The following COL9A2 variants were observed in gnomAD, a reference collection of about 807,000 sequenced individuals.
COL9A2 encodes the protein collagen alpha-2(IX) chain.
Under a neutral mutation model 111.6 loss-of-function variants are expected in COL9A2, and 66 were observed. The ratio of observed to expected loss-of-function variants is 0.59; its 90% CI spans 0.48 to 0.73. COL9A2 has a LOEUF of 0.73. COL9A2 is among the 30% of genes least tolerant of loss of function. The pLI is 0.00. For synonymous variants in COL9A2, 353 were observed against 364.1 expected, an observed-to-expected ratio of 0.97 and a Z score of 0.35; for missense variants, 881 against 954.1, an observed-to-expected ratio of 0.92 and a Z score of 1.01.
At chr1:40,306,811 T>C (rs1223818853) in intron 19 of COL9A2, among the ~76,000 whole-genome samples, 3 of 151,928 alleles carry the variant, frequency 2.0e-5, no homozygotes, top group Admixed American at 2.0e-4. Flanking sequence ...ATTGTTTACC[T>C]GCCACTTAGT....
chr1:40,316,984 G>T lies in COL9A2; in HGVS notation c.75+139C>A. 1 of 828,224 alleles carries T rather than the reference G, an allele frequency of 1.2e-6. No individual in the cohort carries two copies. The highest frequency in any genetic ancestry group is 2.0e-6 in the Non-Finnish European group (1 of 490,544). The allele number at this position is 828,224 out of a possible 1,614,324, so 51.3% of individuals were successfully genotyped here. Reference sequence around the variant, plus strand: ...GCACCATGTATGCACCCACCGAGGGGACCTGCCCGCGGCGCTGTCCTCAGG... The same window carrying T: ...GCACCATGTATGCACCCACCGAGGGTACCTGCCCGCGGCGCTGTCCTCAGG... On this transcript the variant is annotated intron_variant, in intron 1 of 31. Coordinates refer to ENST00000372748, the MANE Select transcript of COL9A2 (RefSeq NM_001852.4). This position sits in a 1 kb window ranked among gnomAD's most constrained non-coding sequence, Gnocchi z 5.5.
In COL9A2 at chr1:40,303,574, C is replaced by T. The variant is rs1462099143; in HGVS notation, c.1504G>A (p.Gly502Arg). Residue 502 changes from glycine (G) to arginine (R), a missense_variant, in exon 28 of 32, where the codon GGG becomes AGG. Gly to Arg is a moderately radical substitution (Grantham distance 125, BLOSUM62 -2). Transcript: ENST00000372748. This position sits in a 1 kb window ranked among gnomAD's most constrained non-coding sequence, Gnocchi z 4.6. The stretch of plus-strand genomic sequence containing the variant: ...GGCTGTCCTGGCACGCCTCGGTTCC[C>T]GGCCAGTCCTCGAGGGCCGGGGGGA... ...PGPPGPRGLA[G>R]NRGVPGQPGR... 1.2e-6 allele frequency: 2 copies of T among 1,610,942 alleles called. No individual in the cohort carries two copies. Among genetic ancestry groups the T allele is most frequent in the Non-Finnish European group, 1.7e-6 (2 of 1,179,174 alleles).
intron 21 of COL9A2, 42 bp from the exon 22 acceptor site, chr1:40,304,889 G>A (rs975293036): frequency 6.5e-7 from 1 of 1,530,662 alleles, no homozygotes; most frequent in Non-Finnish European, 8.8e-7. Flanking sequence ...TGACCTGGTG[G>A]AACCCACCCT....
chr1:40,315,450 T>G, intron 2 of COL9A2, 140 bp downstream of exon 2: 1 of 1,454,322 alleles, frequency 6.9e-7, no homozygotes, highest in South Asian at 1.5e-5. Context: ...GTCCTTGTGG[T>G]GCGGGCCGGC....
chr1:40,304,065 A>G lies in COL9A2; in HGVS notation c.1322T>C (p.Val441Ala), dbSNP rs1164523172. The G allele has an allele frequency of 1.3e-6, 2 of 1,578,308 alleles. No homozygotes were observed. Among genetic ancestry groups the G allele is most frequent in the East Asian group, 2.3e-5 (1 of 43,472 alleles). Residue 441 changes from valine (V) to alanine (A), a missense_variant and splice_region_variant, in exon 25 of 32, where the codon GTG becomes GCG. Physicochemically the swap from Val to Ala is moderately conservative, Grantham distance 64 (BLOSUM62 0). Transcript: ENST00000372748. ...GGGAACAGGGGTGCTGGAACTCACCACTTTGCCGCGGGGCCCGGTCTTCCC... is the reference window on the plus strand; with the variant it reads ...GGGAACAGGGGTGCTGGAACTCACCGCTTTGCCGCGGGGCCCGGTCTTCCC... ...SPGKTGPRGK[V>A]GDPGVAGLPG... is the part of the protein sequence containing the mutation.
chr1:40,310,243 A>T lies in COL9A2; in HGVS notation c.738+21T>A, dbSNP rs747550133. Reference sequence around the variant, plus strand: ...AGGCAGCTCCTGGAAGCTCTTGTAGAACACCCCAAGATTCACTTACCGTCT... The same window carrying T: ...AGGCAGCTCCTGGAAGCTCTTGTAGTACACCCCAAGATTCACTTACCGTCT... On this transcript the variant is annotated intron_variant, in intron 14 of 31. Coordinates refer to ENST00000372748, the MANE Select transcript of COL9A2 (RefSeq NM_001852.4). The surrounding 1 kb of genome is among the most constrained non-coding windows in gnomAD (Gnocchi z 4.9). 1.9e-6 allele frequency: 3 copies of T among 1,614,048 alleles called. No individual in the cohort carries two copies. The highest frequency in any genetic ancestry group is 2.5e-6 in the Non-Finnish European group (3 of 1,179,936).
At position 40,302,988 on chromosome 1, in the gene COL9A2, C is replaced by A; in HGVS notation, c.1603+143G>T. 1 of 1,097,566 alleles carries A rather than the reference C, an allele frequency of 9.1e-7. No individual in the cohort carries two copies. The highest frequency in any genetic ancestry group is 1.3e-6 in the Non-Finnish European group (1 of 744,726). The allele number at this position is 1,097,566 out of a possible 1,614,324, so 68.0% of individuals were successfully genotyped here. On this transcript the variant is annotated intron_variant, in intron 29 of 31. Transcript: ENST00000372748. This position sits in a 1 kb window ranked among gnomAD's most constrained non-coding sequence, Gnocchi z 4.5. ...AGGCCCAGAGTGACTTATTCAAGGT[C>A]CCAAAACCCTTCAGAGACTGGACTG... is the stretch of plus-strand genomic sequence containing the variant.
rs1365606717 is a variant in COL9A2, at chr1:40,303,865, C to A, written c.1369-26G>T. On this transcript the variant is annotated intron_variant, in intron 26 of 31. Coordinates refer to ENST00000372748, the MANE Select transcript of COL9A2 (RefSeq NM_001852.4). This position sits in a 1 kb window ranked among gnomAD's most constrained non-coding sequence, Gnocchi z 4.6. ...CTGCAGGCACAAGGAGCAGCGGTCACGAAGCCGCGGGGACCCCGGGGCCAG... is the reference window on the plus strand; with the variant it reads ...CTGCAGGCACAAGGAGCAGCGGTCAAGAAGCCGCGGGGACCCCGGGGCCAG... 1 of 1,549,808 alleles carries A rather than the reference C, an allele frequency of 6.5e-7. No individual in the cohort carries two copies. Among genetic ancestry groups the A allele is most frequent in the Non-Finnish European group, 8.7e-7 (1 of 1,147,346 alleles).
At position 40,310,286 on chromosome 1, in the gene COL9A2, A is replaced by T; in HGVS notation, c.716T>A (p.Met239Lys). 1 of 1,614,156 alleles carries T rather than the reference A, an allele frequency of 6.2e-7. No homozygotes were observed. Among genetic ancestry groups the T allele is most frequent in the Non-Finnish European group, 8.5e-7 (1 of 1,180,022 alleles). Residue 239 changes from methionine (M) to lysine (K), a missense_variant, in exon 14 of 32, where the codon ATG (methionine) becomes AAG (lysine). Physicochemically the swap from Met to Lys is moderately conservative, Grantham distance 95. Transcript: ENST00000372748. The surrounding 1 kb of genome is among the most constrained non-coding windows in gnomAD (Gnocchi z 4.9). ...GPQGIRGYPGMAGPKGETGPH... is the reference protein window; with the variant it reads ...GPQGIRGYPGKAGPKGETGPH... ...TACCGTCTCTCCCTTGGGCCCTGCC[A>T]TGCCTGGGTAGCCCCTGATGCCCTG...
At position 40,301,098 on chromosome 1, in the gene COL9A2, G is replaced by A; in HGVS notation, c.*84C>T. 7.0e-7 allele frequency: 1 copy of A among 1,429,018 alleles called. No homozygotes were observed. The allele number at this position is 1,429,018 out of a possible 1,614,324, so 88.5% of individuals were successfully genotyped here. A position where few individuals can be genotyped will look rare whatever the true frequency, so the allele number is the denominator to read the frequency against. On this transcript the variant is annotated 3_prime_UTR_variant, in exon 32 of 32. Coordinates refer to ENST00000372748, the MANE Select transcript of COL9A2 (RefSeq NM_001852.4). ...AGGTCCTGGGGGAGATGGTTTCCTG[G>A]ACTGGGGATGGGTGCATGTCCACCC...
chr1:40,304,127 GGCGA>G, intron 24 of COL9A2, 28 bp from the exon 25 acceptor site: 1 of 1,538,222 alleles, frequency 6.5e-7, no homozygotes, highest in Non-Finnish European at 8.7e-7. Context: ...TGAGGGGTTT[GGCGA>G]GCTCCCCCCT....
intron 24 of COL9A2, 89 bp from the exon 25 acceptor site, chr1:40,304,188 TCCGCCTCGCCG>T: frequency 6.6e-7 from 1 of 1,514,358 alleles, no homozygotes; most frequent in Non-Finnish European, 8.9e-7. Flanking sequence ...TCTTTCCAAC[TCCGCCTCGCCG>T]ACCAGACCAG....
At chr1:40,306,061 C>T (rs969373774) in intron 20 of COL9A2, 82 bp downstream of exon 20, 42 of 1,538,164 alleles carry the variant, frequency 2.7e-5, no homozygotes, top group South Asian at 3.3e-5. Context: ...GCCTCTGAGA[C>T]TTGGCTGAGG....
At chr1:40,313,397 G>A (rs1019319767) in intron 4 of COL9A2, among the ~76,000 whole-genome samples, 7 of 152,256 alleles carry the variant, frequency 4.6e-5, no homozygotes, top group African/African-American at 1.4e-4. Context: ...TTGAGCTCCT[G>A]ACCTCAAGTA....
Position 40,311,446 on chromosome 1 carries a change from A to AAAACAGT in COL9A2, c.519+53_519+54insACTGTTT. On this transcript the variant is annotated intron_variant, in intron 10 of 31. Transcript: ENST00000372748. This position sits in a 1 kb window ranked among gnomAD's most constrained non-coding sequence, Gnocchi z 5.1. Reference sequence around the variant, plus strand: ...CCCATCTCCGTGGCCCCGCCTCCCCATCTCTGTGGCCCCGCCCCCCTGTGT... The same window carrying AAAACAGT: ...CCCATCTCCGTGGCCCCGCCTCCCCAAAACAGTTCTCTGTGGCCCCGCCCCCCTGTGT... 1 of 780,614 alleles carries AAAACAGT rather than the reference A, an allele frequency of 1.3e-6. No homozygotes were observed. Among genetic ancestry groups the AAAACAGT allele is most frequent in the Non-Finnish European group, 1.7e-6 (1 of 579,232 alleles). 48.4% of individuals were successfully genotyped at this position (780,614 alleles called of 1,614,324 possible). A position where few individuals can be genotyped will look rare whatever the true frequency, so the allele number is the denominator to read the frequency against.
rs573026800 is a variant in COL9A2 at position 40,312,162 on chromosome 1, C to A, written c.364-50G>T. The A allele has an allele frequency of 8.7e-5, 133 of 1,524,352 alleles. No individual in the cohort carries two copies. The South Asian group carries it at 1.5e-3, about 17-fold the overall frequency. The allele number at this position is 1,524,352 out of a possible 1,614,324, so 94.4% of individuals were successfully genotyped here. On this transcript the variant is annotated intron_variant, in intron 7 of 31. Coordinates refer to ENST00000372748, the MANE Select transcript of COL9A2 (RefSeq NM_001852.4). The surrounding 1 kb of genome is among the most constrained non-coding windows in gnomAD (Gnocchi z 6.0). The stretch of plus-strand genomic sequence containing the variant: ...AGGATGCCTCAGAGGGTCAGATACC[C>A]TGGGCACAAAGGTAGAGACAGGCAC...
At chr1:40,315,518 C>G in intron 2 of COL9A2, 72 bp downstream of exon 2, 1 of 1,507,738 alleles carries the variant, frequency 6.6e-7, no homozygotes, top group Non-Finnish European at 9.0e-7. Context: ...TCCCCACCCC[C>G]ACCACAGCGC....
chr1:40,303,861 G>A lies in COL9A2; in HGVS notation c.1369-22C>T, dbSNP rs772751429. On this transcript the variant is annotated intron_variant, in intron 26 of 31. Coordinates refer to ENST00000372748, the MANE Select transcript of COL9A2 (RefSeq NM_001852.4). The surrounding 1 kb of genome is among the most constrained non-coding windows in gnomAD (Gnocchi z 4.6). ...CGCCCTGCAGGCACAAGGAGCAGCG[G>A]TCACGAAGCCGCGGGGACCCCGGGG... is the stretch of plus-strand genomic sequence containing the variant. 6 of 1,551,578 alleles carry A rather than the reference G, an allele frequency of 3.9e-6. No homozygotes were observed. The African/African-American group carries it at 8.2e-5, about 21-fold the overall frequency.
intron 30 of COL9A2, 94 bp from the exon 31 acceptor site, chr1:40,301,983 T>A (rs972995750): frequency 8.0e-6 from 10 of 1,255,518 alleles, no homozygotes; most frequent in Non-Finnish European, 9.1e-6. Context: ...TTATTCCTGT[T>A]TTGTGCTAGT....
Sources: allele counts gnomAD v4.1 joint callset (sites outside exome capture counted in the v4.1 genomes callset), GRCh38; gene constraint gnomAD v4.1.1; non-coding constraint Gnocchi (gnomAD v3.1); transcripts MANE v1.5; gene names NCBI Gene and HGNC (gene_info 2026-07-23, HGNC 2026-07-21).